The following WWOX variants were observed in gnomAD, a reference collection of about 807,000 sequenced individuals.
The protein encoded by WWOX is WW domain-containing oxidoreductase.
WWOX carries 69 observed loss-of-function variants against 46.2 expected under a neutral mutation model. That is an observed-to-expected ratio of 1.49 (90% CI 1.23 to 1.82). The LOEUF is 1.82. Among genes scored for constraint, WWOX ranks in the 40% most tolerant of loss-of-function variants. The pLI is 0.00. For missense variants in WWOX, 919 were observed against 542.6 expected, an observed-to-expected ratio of 1.69 and a Z score of -6.89; for synonymous variants, 359 against 202.6, an observed-to-expected ratio of 1.77 and a Z score of -6.56.
At chr16:78,903,408 T>C (rs1245631088) in intron 8 of WWOX, among the ~76,000 whole-genome samples, 1 of 152,188 alleles carries the variant, frequency 6.6e-6, no homozygotes, top group East Asian at 1.9e-4. Flanking sequence ...GTATGATTGG[T>C]TGTGGGCAGC....
intron 8 of WWOX, among the ~76,000 whole-genome samples, chr16:78,640,953 A>AG (rs2046693234): frequency 7.2e-6 from 1 of 139,192 alleles, no homozygotes; most frequent in Non-Finnish European, 1.6e-5. Context: ...AAAAAAAAAA[A>AG]GAAGAAGAAA....
At position 78,433,622 on chromosome 16, in the gene WWOX, C is replaced by T. The variant is rs150063564; in HGVS notation, c.1056+870C>T. Among the ~76,000 whole-genome samples the T allele has an allele frequency of 4.9e-4, 74 of 152,070 alleles. No individual in the cohort carries two copies. In the East Asian group the frequency reaches 0.012, roughly 25 times the overall value. ...ATATCACAGGCCTTCACAGTTGGAC[C>T]TAGGATATTAATAAAACAAAGCAAA... is the stretch of plus-strand genomic sequence containing the variant. On this transcript the variant is annotated intron_variant, in intron 8 of 8. Transcript: ENST00000566780.
At chr16:78,414,990 G>A (rs1440393243) in intron 6 of WWOX, among the ~76,000 whole-genome samples, 1 of 151,548 alleles carries the variant, frequency 6.6e-6, no homozygotes, top group Admixed American at 6.6e-5. Context: ...ATAAAAGAAT[G>A]GCTACTCCAT....
intron 8 of WWOX, among the ~76,000 whole-genome samples, chr16:78,975,025 G>A (rs1394856335): frequency 1.3e-5 from 2 of 152,196 alleles, no homozygotes; most frequent in Admixed American, 1.3e-4. Context: ...TGAGACCGTT[G>A]TTGGATGTGA....
intron 8 of WWOX, among the ~76,000 whole-genome samples, chr16:78,609,684 T>G (rs1427263091): frequency 1.3e-5 from 2 of 152,188 alleles, no homozygotes; most frequent in East Asian, 1.9e-4. Flanking sequence ...ACTCCAAGTT[T>G]GCATTCTGCC....
At chr16:78,786,428 C>T (rs1299134294) in intron 8 of WWOX, among the ~76,000 whole-genome samples, 2 of 152,158 alleles carry the variant, frequency 1.3e-5, no homozygotes, top group South Asian at 2.1e-4. Flanking sequence ...ACTTCAAGAG[C>T]ATAGGTAACA....
At chr16:78,731,862 T>TGG (rs1555525173) in intron 8 of WWOX, among the ~76,000 whole-genome samples, 2 of 137,802 alleles carry the variant, frequency 1.5e-5, no homozygotes, top group Non-Finnish European at 3.0e-5. Flanking sequence ...TTTTTTTTTT[T>TGG]TGAGAGACAG....
chr16:78,433,575 C>A (rs2083270301), intron 8 of WWOX, among the ~76,000 whole-genome samples: 1 of 152,100 alleles, frequency 6.6e-6, no homozygotes, highest in Non-Finnish European at 1.5e-5. Context: ...ACCCTTTTCC[C>A]AAACACATTT....
At chr16:78,506,749 G>A (rs1435347078) in intron 8 of WWOX, among the ~76,000 whole-genome samples, 1 of 125,816 alleles carries the variant, frequency 7.9e-6, no homozygotes, top group African/African-American at 3.2e-5. Context: ...TTGCTCTGTT[G>A]TCCAGGCTGT....
At chr16:78,532,427 C>T (rs558586777) in intron 8 of WWOX, among the ~76,000 whole-genome samples, 1 of 152,074 alleles carries the variant, frequency 6.6e-6, no homozygotes, top group Non-Finnish European at 1.5e-5. Flanking sequence ...TGCCTAGGCT[C>T]TCCCCTGAAG....
chr16:78,820,180 C>G (rs1345793044), intron 8 of WWOX, among the ~76,000 whole-genome samples: 1 of 152,020 alleles, frequency 6.6e-6, no homozygotes, highest in African/African-American at 2.4e-5. Context: ...ATAGGAGAAG[C>G]CCCCAGCCAC....
At chr16:78,732,835 A>C (rs1200167401) in intron 8 of WWOX, among the ~76,000 whole-genome samples, 1 of 152,212 alleles carries the variant, frequency 6.6e-6, no homozygotes, top group Admixed American at 6.5e-5. Flanking sequence ...TGTAACTCTT[A>C]GGCAGGGCTT....
chr16:78,908,347 C>G (rs1172258123), intron 8 of WWOX, among the ~76,000 whole-genome samples: 2 of 152,072 alleles, frequency 1.3e-5, no homozygotes, highest in African/African-American at 2.4e-5. Flanking sequence ...TGAGACCATC[C>G]TGGCCAAGGT....
chr16:78,227,114 C>T (rs1283499202), intron 5 of WWOX, among the ~76,000 whole-genome samples: 4 of 152,172 alleles, frequency 2.6e-5, no homozygotes, highest in African/African-American at 4.8e-5. Context: ...ATCACAGCCA[C>T]GCGGGCTCGC....
intron 8 of WWOX, among the ~76,000 whole-genome samples, chr16:78,626,205 A>G (rs1050751076): frequency 1.5e-4 from 22 of 151,652 alleles, no homozygotes; most frequent in Non-Finnish European, 2.2e-4. Context: ...ATCTTGGCTC[A>G]CTGCAACCTC....
chr16:79,203,173 T>A (rs939987285), intron 8 of WWOX: 2 of 152,152 alleles, frequency 1.3e-5, no homozygotes, highest in African/African-American at 4.8e-5. Flanking sequence ...TGTGAAGAGA[T>A]CTCTCTGTGT....
At position 78,504,759 on chromosome 16, in the gene WWOX, G is replaced by T. The variant is rs1567610789; in HGVS notation, c.1056+72007G>T. Among the ~76,000 whole-genome samples, 3 of 152,146 alleles carry T rather than the reference G, an allele frequency of 2.0e-5. No homozygotes were observed. In the East Asian group the frequency reaches 5.8e-4, roughly 29 times the overall value. On this transcript the variant is annotated intron_variant, in intron 8 of 8. Transcript: ENST00000566780. ...TGGGGCTTGGAACCACGCCACGGAC[G>T]CATGAAGCCTCCCCGTTTACATGCC...
intron 8 of WWOX, among the ~76,000 whole-genome samples, chr16:78,441,710 T>C (rs868133639): frequency 2.0e-5 from 3 of 152,060 alleles, no homozygotes; most frequent in African/African-American, 4.8e-5. Flanking sequence ...AAAACTGAGA[T>C]GTTAGAACTA....
chr16:78,918,636 A>G (rs2045306826), intron 8 of WWOX, among the ~76,000 whole-genome samples: 1 of 152,202 alleles, frequency 6.6e-6, no homozygotes, highest in Non-Finnish European at 1.5e-5. Flanking sequence ...TTTATTACTA[A>G]TGATAATAAC....
Sources: allele counts gnomAD v4.1 joint callset (sites outside exome capture counted in the v4.1 genomes callset), GRCh38; gene constraint gnomAD v4.1.1; transcripts MANE v1.5; gene names NCBI Gene and HGNC (gene_info 2026-07-23, HGNC 2026-07-21).